Variants in PDE4D observed in about 807,000 individuals in gnomAD.
PDE4D encodes 3',5'-cyclic-AMP phosphodiesterase 4D.
PDE4D carries 24 observed loss-of-function variants against 87.4 expected under a neutral mutation model. That is an observed-to-expected ratio of 0.27 (90% confidence interval 0.20 to 0.39). The LOEUF is 0.39. PDE4D is among the 10% of genes least tolerant of loss of function. PDE4D has a pLI of 1.00. For missense variants in PDE4D, 714 were observed against 1,041.0 expected, an observed-to-expected ratio of 0.69 and a Z score of 4.32; for synonymous variants, 384 against 383.2, an observed-to-expected ratio of 1.00 and a Z score of -0.02.
chr5:59,183,862 G>C (rs985443858), intron 4 of PDE4D, among the ~76,000 whole-genome samples: 1 of 152,206 alleles, frequency 6.6e-6, no homozygotes. Context: ...TAGGCACAGG[G>C]AATACAAATG....
In PDE4D at chr5:58,988,587, C is replaced by T. The variant is rs1435902684; in HGVS notation, c.1458G>A (p.Val486=). ...VLLSTPALEA[V]FTDLEILAAI... ...CTGCAAGAATCTCCAAATCTGTAAA[C>T]ACAGCCTGGAAAATCAGACAATATA... Residue 486 remains valine (V), a synonymous_variant, in exon 11 of 15, where the codon GTG becomes GTA. Transcript: ENST00000340635. 6.8e-7 allele frequency: 1 copy of T among 1,470,580 alleles called. No individual in the cohort carries two copies. 91.1% of individuals were successfully genotyped at this position (1,470,580 alleles called of 1,614,324 possible). A position where few individuals can be genotyped will look rare whatever the true frequency, so the allele number is the denominator to read the frequency against.
intron 1 of PDE4D, among the ~76,000 whole-genome samples, chr5:59,222,950 C>G (rs1752875522): frequency 6.6e-6 from 1 of 152,152 alleles, no homozygotes; most frequent in Non-Finnish European, 1.5e-5. Flanking sequence ...ATTTTTATTA[C>G]TCTTTTTCTC....
intron 1 of PDE4D, among the ~76,000 whole-genome samples, chr5:60,219,012 C>A (rs930278870): frequency 2.0e-5 from 3 of 152,108 alleles, no homozygotes; most frequent in East Asian, 1.9e-4. Context: ...AAATTACCTT[C>A]GAAAAACCCA....
Position 59,788,487 on chromosome 5 carries a change from A to T in PDE4D, c.455+104681T>A, listed in dbSNP as rs113434746. Among the ~76,000 whole-genome samples, 192 of 152,354 alleles carry T rather than the reference A, an allele frequency of 1.3e-3. 2 individuals carry two copies. The highest frequency in any genetic ancestry group is 4.4e-3 in the African/African-American group (185 of 41,588). ...TTTTAAGTAAAGAGATGTTGCATAT[A>T]ATTCCGTACAGTATCAGGAACAAAG... On this transcript the variant is annotated intron_variant, in intron 1 of 14. Transcript: ENST00000340635.
intron 1 of PDE4D, among the ~76,000 whole-genome samples, chr5:59,540,327 A>T (rs1467480752): frequency 6.6e-6 from 1 of 152,140 alleles, no homozygotes; most frequent in African/African-American, 2.4e-5. Context: ...GCTGAAACTT[A>T]ACAGCACAAG....
chr5:60,404,723 G>A (rs1421914091), intron 1 of PDE4D, among the ~76,000 whole-genome samples: 1 of 152,208 alleles, frequency 6.6e-6, no homozygotes, highest in Non-Finnish European at 1.5e-5. Context: ...TTATAGAGGA[G>A]GGAATAAGGG....
At chr5:59,676,249 A>G (rs1387215900) in intron 1 of PDE4D, among the ~76,000 whole-genome samples, 1 of 152,226 alleles carries the variant, frequency 6.6e-6, no homozygotes, top group Admixed American at 6.5e-5. Flanking sequence ...ACTAGTTTTA[A>G]TCAATCCATA....
Position 59,119,991 on chromosome 5 carries a change from T to C in PDE4D, c.808+60604A>G, listed in dbSNP as rs1242288179. Among the ~76,000 whole-genome samples, 4 of 152,044 alleles carry C rather than the reference T, an allele frequency of 2.6e-5. No individual in the cohort carries two copies. In the South Asian group the frequency reaches 8.3e-4, roughly 31 times the overall value. ...TCCCAAGTAGTTGGGACTGCAGACA[T>C]GCACTACTCTGCTTGGCTAATTTTT... On this transcript the variant is annotated intron_variant, in intron 5 of 14. Coordinates refer to ENST00000340635, the MANE Select transcript of PDE4D (RefSeq NM_001104631.2).
intron 3 of PDE4D, among the ~76,000 whole-genome samples, chr5:59,951,640 A>G (rs1758302513): frequency 6.6e-6 from 1 of 152,198 alleles, no homozygotes; most frequent in Admixed American, 6.5e-5. Context: ...AAACGTTAAC[A>G]TGACAGCCAC....
chr5:59,369,634 T>C (rs943534901), intron 1 of PDE4D, among the ~76,000 whole-genome samples: 2 of 152,108 alleles, frequency 1.3e-5, no homozygotes, highest in African/African-American at 2.4e-5. Context: ...CACTGGAGAA[T>C]GTGGAACCTG....
intron 2 of PDE4D, among the ~76,000 whole-genome samples, chr5:60,061,836 A>G (rs1466500766): frequency 6.6e-6 from 1 of 152,174 alleles, no homozygotes; most frequent in African/African-American, 2.4e-5. Flanking sequence ...TGTTTAATAA[A>G]TGATGCTGGG....
intron 5 of PDE4D, among the ~76,000 whole-genome samples, chr5:59,096,818 T>C (rs1769814936): frequency 6.6e-6 from 1 of 152,204 alleles, no homozygotes; most frequent in South Asian, 2.1e-4. Flanking sequence ...ATCTATGGTC[T>C]ACCTAAACCT....
At chr5:60,377,219 C>T (rs1183199958) in intron 1 of PDE4D, among the ~76,000 whole-genome samples, 1 of 152,208 alleles carries the variant, frequency 6.6e-6, no homozygotes, top group African/African-American at 2.4e-5. Flanking sequence ...CACTATTTTA[C>T]ACACTATGAG....
intron 3 of PDE4D, among the ~76,000 whole-genome samples, chr5:59,919,854 AT>A (rs1350181010): frequency 1.3e-5 from 2 of 152,214 alleles, no homozygotes; most frequent in East Asian, 3.8e-4. Context: ...GCAAAGATTA[AT>A]TTGGTCTGTT....
At chr5:60,155,426 C>T (rs997683110) in intron 2 of PDE4D, among the ~76,000 whole-genome samples, 2 of 152,098 alleles carry the variant, frequency 1.3e-5, no homozygotes, top group African/African-American at 4.8e-5. Context: ...GCTCATTTTC[C>T]TAATGGGATG....
At chr5:59,143,213 C>A (rs1243985358) in intron 5 of PDE4D, among the ~76,000 whole-genome samples, 1 of 146,716 alleles carries the variant, frequency 6.8e-6, no homozygotes, top group African/African-American at 2.5e-5. Flanking sequence ...TTCCTTCTTT[C>A]TTCCTTCCCT....
chr5:60,402,042 C>T (rs1227674638), intron 1 of PDE4D, among the ~76,000 whole-genome samples: 1 of 152,200 alleles, frequency 6.6e-6, no homozygotes, highest in Non-Finnish European at 1.5e-5. Context: ...CAACATAAAA[C>T]TTAAATTGGA....
upstream of PDE4D, chr5:59,893,888 AC>A: frequency 1.2e-5 from 14 of 1,131,422 alleles, no homozygotes; most frequent in Non-Finnish European, 1.3e-5. Context: ...AGTCACCAAG[AC>A]TAGGGTGCGC....
intron 9 of PDE4D, among the ~76,000 whole-genome samples, chr5:58,990,301 C>T (rs1747597531): frequency 1.3e-5 from 2 of 152,102 alleles, no homozygotes; most frequent in South Asian, 2.1e-4. Flanking sequence ...TTTCCCATTT[C>T]GGTCCCGAGA....
Sources: gnomAD v4.1 joint callset for allele counts (sites outside exome capture counted in the v4.1 genomes callset) on GRCh38, gnomAD v4.1.1 for gene constraint, MANE v1.5 for transcripts, NCBI Gene and HGNC (gene_info 2026-07-23, HGNC 2026-07-21) for gene names.